Variants in GPR158 observed in about 807,000 individuals in gnomAD.
GPR158 encodes the protein G protein-coupled receptor 158.
In GPR158, 30 loss-of-function variants were observed where a neutral mutation model predicts 78.2. The ratio of observed to expected loss-of-function variants is 0.38; its 90% CI spans 0.29 to 0.52. The LOEUF (loss-of-function observed/expected upper bound fraction) is 0.52, where lower values mean the gene tolerates loss of function less well. GPR158 is among the 20% of genes least tolerant of loss of function. GPR158 has a pLI of 0.83. For missense variants in GPR158, 1,463 were observed against 1,523.5 expected, an observed-to-expected ratio of 0.96 and a Z score of 0.66; for synonymous variants, 581 against 591.1, an observed-to-expected ratio of 0.98 and a Z score of 0.25.
At chr10:25,464,381 A>G (rs1835395540) in intron 4 of GPR158, among the ~76,000 whole-genome samples, 1 of 152,134 alleles carries the variant, frequency 6.6e-6, no homozygotes, top group Non-Finnish European at 1.5e-5. Flanking sequence ...CTCTTGGGTC[A>G]TTTTGGATCC....
chr10:25,189,813 AAAG>A (rs924322924), intron 1 of GPR158, among the ~76,000 whole-genome samples: 7 of 150,620 alleles, frequency 4.6e-5, no homozygotes, highest in South Asian at 2.1e-4. Context: ...AAAAAAAAAA[AAAG>A]AGAAAAGAAA....
At chr10:25,216,696 T>C (rs140961531) in intron 1 of GPR158, among the ~76,000 whole-genome samples, 1 of 152,260 alleles carries the variant, frequency 6.6e-6, no homozygotes, top group East Asian at 1.9e-4. Flanking sequence ...TATGGGAGAA[T>C]AAGGGACTCT....
At chr10:25,584,916 T>G (rs1837246647) in intron 7 of GPR158, among the ~76,000 whole-genome samples, 1 of 152,224 alleles carries the variant, frequency 6.6e-6, no homozygotes, top group Admixed American at 6.5e-5. Flanking sequence ...AGCATTCAAC[T>G]TTTATAGGCT....
intron 5 of GPR158, among the ~76,000 whole-genome samples, chr10:25,499,540 C>G (rs111255839): frequency 0.011 from 1,607 of 152,264 alleles, 33 homozygotes; most frequent in African/African-American, 0.037. Context: ...TAGCAGTTAA[C>G]AAGAGACAAG....
rs1396427506 is a variant in GPR158 at position 25,175,091 on chromosome 10, C to G, written c.-330C>G. On this transcript the variant is annotated 5_prime_UTR_variant, in exon 1 of 11. Transcript: ENST00000376351. This position sits in a 1 kb window ranked among gnomAD's most constrained non-coding sequence, Gnocchi z 6.4. ...AGAGCGGCGGTGGCGGCAGCCGGGC[C>G]GAGAGACGGACTCGGGCTGACTCCA... 2.5e-5 allele frequency: 6 copies of G among 240,596 alleles called. No individual in the cohort carries two copies. The highest frequency in any genetic ancestry group is 9.1e-5 in the African/African-American group (4 of 44,000). 14.9% of individuals were successfully genotyped at this position (240,596 alleles called of 1,614,324 possible). A position where few individuals can be genotyped will look rare whatever the true frequency, so the allele number is the denominator to read the frequency against.
At chr10:25,552,141 AG>A (rs1836733935) in intron 6 of GPR158, among the ~76,000 whole-genome samples, 1 of 152,164 alleles carries the variant, frequency 6.6e-6, no homozygotes. Flanking sequence ...TAAAGTACAA[AG>A]GATATTGGAT....
intron 2 of GPR158, among the ~76,000 whole-genome samples, chr10:25,270,784 C>A (rs1234863179): frequency 1.3e-5 from 2 of 152,194 alleles, no homozygotes; most frequent in African/African-American, 2.4e-5. Context: ...TCCAGCAACA[C>A]CTCAGTTCCA....
At chr10:25,457,324 C>T (rs547943496) in intron 4 of GPR158, among the ~76,000 whole-genome samples, 73 of 151,954 alleles carry the variant, frequency 4.8e-4, no homozygotes, top group Admixed American at 1.2e-3. Flanking sequence ...TAGTAGAAGT[C>T]TAAGCAAATG....
chr10:25,472,723 C>T (rs1313030618), intron 5 of GPR158, among the ~76,000 whole-genome samples: 1 of 152,148 alleles, frequency 6.6e-6, no homozygotes, highest in Non-Finnish European at 1.5e-5. Context: ...CTATTTGAAG[C>T]ATTGTGAATG....
intron 4 of GPR158, among the ~76,000 whole-genome samples, chr10:25,424,199 C>A (rs1273009462): frequency 2.6e-5 from 4 of 152,172 alleles, no homozygotes; most frequent in East Asian, 1.9e-4. Context: ...AGTGTCTGTT[C>A]ATATCCTTTG....
intron 4 of GPR158, among the ~76,000 whole-genome samples, chr10:25,459,709 G>C (rs959127153): frequency 6.6e-6 from 1 of 152,098 alleles, no homozygotes; most frequent in Non-Finnish European, 1.5e-5. Flanking sequence ...TTATATCCCA[G>C]GCAAATCTTC....
At chr10:25,476,880 G>T (rs1835593345) in intron 5 of GPR158, among the ~76,000 whole-genome samples, 1 of 152,058 alleles carries the variant, frequency 6.6e-6, no homozygotes, top group Non-Finnish European at 1.5e-5. Context: ...ATTCATAATG[G>T]CTCAGGGTTT....
chr10:25,451,378 G>C (rs946589730), intron 4 of GPR158, among the ~76,000 whole-genome samples: 1 of 152,136 alleles, frequency 6.6e-6, no homozygotes, highest in African/African-American at 2.4e-5. Context: ...AAATCAAATA[G>C]AATAATTTTA....
At chr10:25,184,702 A>C (rs1436196641) in intron 1 of GPR158, among the ~76,000 whole-genome samples, 1 of 152,232 alleles carries the variant, frequency 6.6e-6, no homozygotes, top group Admixed American at 6.5e-5. Flanking sequence ...AAGACCACTG[A>C]GGACTAATAA....
At chr10:25,257,353 T>C (rs1331726604) in intron 2 of GPR158, among the ~76,000 whole-genome samples, 3 of 152,198 alleles carry the variant, frequency 2.0e-5, no homozygotes, top group Non-Finnish European at 2.9e-5. Flanking sequence ...ACATGAACTT[T>C]GGGGGACATA....
At chr10:25,342,282 C>T (rs1588810850) in intron 2 of GPR158, among the ~76,000 whole-genome samples, 1 of 151,052 alleles carries the variant, frequency 6.6e-6, no homozygotes, top group Non-Finnish European at 1.5e-5. Context: ...ACTGACTTTC[C>T]ATGTCTGCTG....
At chr10:25,537,574 A>G (rs898315172) in intron 5 of GPR158, among the ~76,000 whole-genome samples, 1 of 152,124 alleles carries the variant, frequency 6.6e-6, no homozygotes, top group African/African-American at 2.4e-5. Flanking sequence ...ATATATATTT[A>G]TATTATTGAA....
At chr10:25,244,243 A>C (rs1853660756) in intron 2 of GPR158, 1 of 152,178 alleles carries the variant, frequency 6.6e-6, no homozygotes, top group East Asian at 1.9e-4. Flanking sequence ...TCATGTATTC[A>C]GTAGCTATTT....
chr10:25,559,734 T>G (rs1836837775), intron 6 of GPR158, among the ~76,000 whole-genome samples: 1 of 152,216 alleles, frequency 6.6e-6, no homozygotes, highest in Non-Finnish European at 1.5e-5. Flanking sequence ...ATCCAAGAGC[T>G]AATAGTGTTT....
Sources: gnomAD v4.1 joint callset for allele counts (sites outside exome capture counted in the v4.1 genomes callset) on GRCh38, gnomAD v4.1.1 for gene constraint, Gnocchi (gnomAD v3.1) non-coding constraint, MANE v1.5 for transcripts, NCBI Gene and HGNC (gene_info 2026-07-23, HGNC 2026-07-21) for gene names.